The following JAG1 variants were observed in gnomAD, a reference collection of about 807,000 sequenced individuals.
JAG1 encodes protein jagged-1.
In JAG1, 23 loss-of-function variants were observed where a neutral mutation model predicts 148.7. That is an observed-to-expected ratio of 0.15 (90% CI 0.11 to 0.22). The LOEUF is 0.22. Ranked by LOEUF, JAG1 falls within the 10% of genes least tolerant of loss-of-function variation. The pLI is 1.00. For synonymous variants in JAG1, 572 were observed against 598.3 expected, an observed-to-expected ratio of 0.96 and a Z score of 0.64; for missense variants, 1,054 against 1,611.2, an observed-to-expected ratio of 0.65 and a Z score of 5.92.
At chr20:10,644,315 C>CACACAT in intron 19 of JAG1, 42 bp downstream of exon 19, 2 of 1,469,304 alleles carry the variant, frequency 1.4e-6, no homozygotes, top group South Asian at 1.1e-5. Flanking sequence ...CACACACACA[C>CACACAT]GATAGTGGAT....
intron 11 of JAG1, 133 bp downstream of exon 11, chr20:10,648,928 G>T: frequency 1.1e-6 from 1 of 920,130 alleles, no homozygotes; most frequent in South Asian, 1.4e-5. Context: ...ATAAGCCCTA[G>T]CGAAACTTCC....
chr20:10,664,091 A>G, intron 2 of JAG1, 77 bp from the exon 3 acceptor site: 1 of 1,115,562 alleles, frequency 9.0e-7, no homozygotes, highest in Non-Finnish European at 1.4e-6. Context: ...TTGGCCTCCC[A>G]GAATACCCCA....
Position 10,641,950 on chromosome 20 carries a change from T to C in JAG1, c.2573-58A>G, listed in dbSNP as rs2067275521. 14 of 1,116,714 alleles carry C rather than the reference T, an allele frequency of 1.3e-5. 1 individual carries two copies. The highest frequency in any genetic ancestry group is 1.9e-5 in the Non-Finnish European group (14 of 725,888). 69.2% of individuals were successfully genotyped at this position (1,116,714 alleles called of 1,614,324 possible). ...TTCTGTGAACCGGATCGGGGTTCAA[T>C]TCTTTGGTCCCTGTTATGAAATGGT... is the stretch of plus-strand genomic sequence containing the variant. On this transcript the variant is annotated intron_variant, in intron 21 of 25. Coordinates refer to ENST00000254958, the MANE Select transcript of JAG1 (RefSeq NM_000214.3).
At chr20:10,657,221 G>T (rs2067384737) in intron 4 of JAG1, among the ~76,000 whole-genome samples, 1 of 151,998 alleles carries the variant, frequency 6.6e-6, no homozygotes, top group African/African-American at 2.4e-5. Flanking sequence ...AAAGCTGGGT[G>T]TGGTGGCATG....
intron 7 of JAG1, among the ~76,000 whole-genome samples, 188 bp from the exon 8 acceptor site, chr20:10,651,882 C>G (rs1282031525): frequency 6.6e-6 from 1 of 152,218 alleles, no homozygotes; most frequent in East Asian, 1.9e-4. Flanking sequence ...TGAGCTGTCT[C>G]TAACCACATT....
intron 25 of JAG1, among the ~76,000 whole-genome samples, chr20:10,640,272 G>C (rs1019979193): frequency 3.9e-5 from 6 of 152,226 alleles, no homozygotes; most frequent in African/African-American, 1.4e-4. Context: ...CTCAGTACAG[G>C]AGTTGGTTTT....
intron 2 of JAG1, among the ~76,000 whole-genome samples, chr20:10,665,030 T>G (rs1186080454): frequency 6.6e-6 from 1 of 152,116 alleles, no homozygotes; most frequent in Non-Finnish European, 1.5e-5. Context: ...GCAGGTGGGG[T>G]AGACAAGGAA....
chr20:10,639,688 A>G lies in JAG1; in HGVS notation c.3467T>C (p.Val1156Ala), dbSNP rs143966918. 1.4e-4 allele frequency: 228 copies of G among 1,614,056 alleles called. No individual in the cohort carries two copies. Among genetic ancestry groups the G allele is most frequent in the Non-Finnish European group, 1.8e-4 (216 of 1,180,040 alleles). The part of the protein sequence containing the change: ...MSKIRTHNSE[V>A]EEDDMDKHQQ... Reference sequence around the variant, plus strand: ...GTGTTTGTCCATGTCGTCCTCTTCTACTTCAGAATTGTGTGTCCTTATTTT... The same window carrying G: ...GTGTTTGTCCATGTCGTCCTCTTCTGCTTCAGAATTGTGTGTCCTTATTTT... Residue 1156 changes from valine (V) to alanine (A), a missense_variant, in exon 26 of 26, where the codon GTA (valine) becomes GCA (alanine). Physicochemically the swap from Val to Ala is moderately conservative, Grantham distance 64. Transcript: ENST00000254958.
At chr20:10,665,999 C>G (rs973363652) in intron 2 of JAG1, among the ~76,000 whole-genome samples, 43 of 152,166 alleles carry the variant, frequency 2.8e-4, no homozygotes, top group African/African-American at 9.9e-4. Context: ...CACAGCCCTA[C>G]GTGCCTGGCT....
chr20:10,654,898 C>CA (rs2122618153), intron 5 of JAG1, among the ~76,000 whole-genome samples: 1 of 152,276 alleles, frequency 6.6e-6, no homozygotes, highest in East Asian at 1.9e-4. Context: ...AGTCGGCCTC[C>CA]GCTGATATCC....
rs115134637 is a variant in JAG1, at chr20:10,643,486, G to T, written c.2458+292C>A. On this transcript the variant is annotated intron_variant, in intron 20 of 25. Coordinates refer to ENST00000254958, the MANE Select transcript of JAG1 (RefSeq NM_000214.3). ...GCCCATAATTTCATGTTAGTCATGG[G>T]GAAATGCACATACTTTCTTCAGGAC... Among the ~76,000 whole-genome samples the T allele has an allele frequency of 5.0e-3, 760 of 152,160 alleles. 5 individuals are homozygous for T. The highest frequency in any genetic ancestry group is 0.018 in the African/African-American group (733 of 41,492).
At position 10,673,237 on chromosome 20, in the gene JAG1, G is replaced by A. The variant is rs1420502233; in HGVS notation, c.81+213C>T. Among the ~76,000 whole-genome samples, 1 of 151,790 alleles carries A rather than the reference G, an allele frequency of 6.6e-6. No homozygotes were observed. Among genetic ancestry groups the A allele is most frequent in the Non-Finnish European group, 1.5e-5 (1 of 67,964 alleles). On this transcript the variant is annotated intron_variant, in intron 1 of 25. Transcript: ENST00000254958. The surrounding 1 kb of genome is among the most constrained non-coding windows in gnomAD (Gnocchi z 4.7). ...CCCGGGGGGCAACAGCGGAGCGAAC[G>A]CGCCCCTGTCCGGCCTGGAGGGGTC...
chr20:10,652,993 T>C (rs1484494999), intron 5 of JAG1, among the ~76,000 whole-genome samples: 2 of 152,092 alleles, frequency 1.3e-5, no homozygotes, highest in Non-Finnish European at 2.9e-5. Flanking sequence ...CTGCAGACGC[T>C]GCACTTGCCA....
chr20:10,650,889 C>T (rs1347464443), intron 8 of JAG1: 1 of 166,410 alleles, frequency 6.0e-6, no homozygotes, highest in Non-Finnish European at 1.3e-5. Flanking sequence ...ATGGGAATTG[C>T]TACTGTGCCA....
In JAG1 at chr20:10,641,388, C is replaced by T. The variant is rs2122596210; in HGVS notation, c.2916+72G>A. Reference sequence around the variant, plus strand: ...AGCTAGGGAGAAGTAGATCCTAGCTCATGGCATTCCTCCTTTAAAGCAAGC... The same window carrying T: ...AGCTAGGGAGAAGTAGATCCTAGCTTATGGCATTCCTCCTTTAAAGCAAGC... On this transcript the variant is annotated intron_variant, in intron 23 of 25. Transcript: ENST00000254958. 2.0e-6 allele frequency: 3 copies of T among 1,513,630 alleles called. No individual in the cohort carries two copies. The South Asian group carries it at 3.4e-5, about 17-fold the overall frequency. 93.8% of individuals were successfully genotyped at this position (1,513,630 alleles called of 1,614,324 possible). A position where few individuals can be genotyped will look rare whatever the true frequency, so the allele number is the denominator to read the frequency against.
At chr20:10,659,079 G>A (rs140093116) in intron 3 of JAG1, among the ~76,000 whole-genome samples, 1 of 152,196 alleles carries the variant, frequency 6.6e-6, no homozygotes, top group Non-Finnish European at 1.5e-5. Context: ...CTCTAGAAAT[G>A]GAAGTGCTGA....
At chr20:10,671,498 C>T (rs1291912403) in intron 2 of JAG1, among the ~76,000 whole-genome samples, 3 of 152,158 alleles carry the variant, frequency 2.0e-5, no homozygotes, top group Non-Finnish European at 4.4e-5. Context: ...ACAGACACAG[C>T]CAGATAGTCT....
chr20:10,647,356 C>T (rs182448802), intron 13 of JAG1: 5 of 552,154 alleles, frequency 9.1e-6, no homozygotes, highest in Non-Finnish European at 1.3e-5. Context: ...TTGTGGATCC[C>T]CTTCATCCTA....
chr20:10,652,727 A>C, intron 5 of JAG1, 129 bp from the exon 6 acceptor site: 1 of 942,142 alleles, frequency 1.1e-6, no homozygotes, highest in Admixed American at 2.0e-5. Flanking sequence ...GTAGACTCCC[A>C]AGGCTCATCA....
Sources: allele counts gnomAD v4.1 joint callset (sites outside exome capture counted in the v4.1 genomes callset), GRCh38; gene constraint gnomAD v4.1.1; non-coding constraint Gnocchi (gnomAD v3.1); transcripts MANE v1.5; gene names NCBI Gene and HGNC (gene_info 2026-07-23, HGNC 2026-07-21).